The following USP7 variants were observed in gnomAD, a reference collection of about 807,000 sequenced individuals.
USP7 encodes ubiquitin specific peptidase 7.
In USP7, 9 loss-of-function variants were observed where a neutral mutation model predicts 162.9. The observed-to-expected ratio is 0.06, with a 90% CI of 0.03 to 0.10. USP7 has a LOEUF of 0.10. USP7 is among the 10% of genes least tolerant of loss of function. The pLI is 1.00. For missense variants in USP7, 715 were observed against 1,373.7 expected, an observed-to-expected ratio of 0.52 and a Z score of 7.58; for synonymous variants, 562 against 475.9, an observed-to-expected ratio of 1.18 and a Z score of -2.35.
intron 1 of USP7, among the ~76,000 whole-genome samples, chr16:8,954,804 C>G (rs1899717532): frequency 6.6e-6 from 1 of 151,820 alleles, no homozygotes; most frequent in Non-Finnish European, 1.5e-5. Context: ...ACTAAAGATA[C>G]AAAAAAATTA....
chr16:8,904,580 C>A lies in USP7; in HGVS notation c.1574-15G>T. The A allele has an allele frequency of 6.2e-7, 1 of 1,613,178 alleles. No individual in the cohort carries two copies. The highest frequency in any genetic ancestry group is 8.5e-7 in the Non-Finnish European group (1 of 1,179,768). On this transcript the variant is annotated splice_polypyrimidine_tract_variant and intron_variant, in intron 14 of 30. Transcript: ENST00000344836. ...TAAAACTTCACCTGCAGGACAAAGG[C>A]ATCCTCTTTGACCCCTGCAGATGGA...
At chr16:8,941,863 C>CCTCCTGGT (rs1445204424) in intron 1 of USP7, among the ~76,000 whole-genome samples, 1 of 152,226 alleles carries the variant, frequency 6.6e-6, no homozygotes, top group Non-Finnish European at 1.5e-5. Context: ...GGTGGACACG[C>CCTCCTGGT]CTCCTGGTCT....
intron 1 of USP7, among the ~76,000 whole-genome samples, chr16:8,949,836 T>C (rs1899468791): frequency 1.3e-5 from 2 of 152,206 alleles, no homozygotes; most frequent in South Asian, 2.1e-4. Flanking sequence ...AAGTATGCCC[T>C]AAGCTGAGCT....
At chr16:8,913,396 T>G (rs139344576) in intron 10 of USP7, among the ~76,000 whole-genome samples, 1 of 151,694 alleles carries the variant, frequency 6.6e-6, no homozygotes, top group South Asian at 2.1e-4. Context: ...AGAAGAGAAG[T>G]GAAGTGAAGC....
chr16:8,938,726 G>T (rs1177246969), intron 1 of USP7, among the ~76,000 whole-genome samples: 3 of 146,302 alleles, frequency 2.1e-5, no homozygotes, highest in Non-Finnish European at 4.5e-5. Flanking sequence ...AAAAAAAATT[G>T]GGGGGACGGG....
chr16:8,949,071 A>G (rs1899430825), intron 1 of USP7, among the ~76,000 whole-genome samples: 1 of 152,232 alleles, frequency 6.6e-6, no homozygotes, highest in South Asian at 2.1e-4. Flanking sequence ...GGTGATGAAA[A>G]TGTGCTCGAA....
chr16:8,943,939 G>T (rs978309640), intron 1 of USP7, among the ~76,000 whole-genome samples: 3 of 152,000 alleles, frequency 2.0e-5, no homozygotes, highest in African/African-American at 7.3e-5. Context: ...TTATTGTATT[G>T]CTTATTCTAC....
At position 8,893,870 on chromosome 16, in the gene USP7, A is replaced by T; in HGVS notation, c.*128T>A. 1.2e-6 allele frequency: 1 copy of T among 801,256 alleles called. No homozygotes were observed. Among genetic ancestry groups the T allele is most frequent in the Non-Finnish European group, 2.1e-6 (1 of 476,520 alleles). 49.6% of individuals were successfully genotyped at this position (801,256 alleles called of 1,614,324 possible). ...AAGCCAAACTGAACAGCCTCAATAA[A>T]ATAAAATTAACACCAGCAGCGAATC... On this transcript the variant is annotated 3_prime_UTR_variant, in exon 31 of 31. Coordinates refer to ENST00000344836, the MANE Select transcript of USP7 (RefSeq NM_003470.3).
Position 8,899,795 on chromosome 16 carries a change from C to T in USP7, c.2310-38G>A, listed in dbSNP as rs1226580148. Reference sequence around the variant, plus strand: ...GAAAGTTTGCAGTCTGAATCAAAGTCCATGGCAGGGGGTAGCTGGTAAAAA... The same window carrying T: ...GAAAGTTTGCAGTCTGAATCAAAGTTCATGGCAGGGGGTAGCTGGTAAAAA... On this transcript the variant is annotated intron_variant, in intron 21 of 30. Coordinates refer to ENST00000344836, the MANE Select transcript of USP7 (RefSeq NM_003470.3). 13 of 1,612,548 alleles carry T rather than the reference C, an allele frequency of 8.1e-6. No individual in the cohort carries two copies. In the African/African-American group the frequency reaches 1.5e-4, roughly 18 times the overall value.
At chr16:8,936,678 T>C in intron 1 of USP7, 2 of 1,527,582 alleles carry the variant, frequency 1.3e-6, no homozygotes, top group Non-Finnish European at 1.7e-6. Flanking sequence ...CACATCAGAG[T>C]GACTGCATAG....
chr16:8,908,563 A>G, intron 11 of USP7, 113 bp from the exon 12 acceptor site: 1 of 856,376 alleles, frequency 1.2e-6, no homozygotes. Context: ...CTGGAGACAA[A>G]GGCAGGGAAG....
chr16:8,895,045 G>A lies in USP7; in HGVS notation c.3025C>T (p.Leu1009=). 6.2e-7 allele frequency: 1 copy of A among 1,614,224 alleles called. No individual in the cohort carries two copies. The highest frequency in any genetic ancestry group is 2.2e-5 in the East Asian group (1 of 44,888). ...CAACAGCATACCTGGTGTATCCTCAGCAAAAACGGGATTCCGAACGTTCCG... is the reference window on the plus strand; with the variant it reads ...CAACAGCATACCTGGTGTATCCTCAACAAAAACGGGATTCCGAACGTTCCG... The part of the protein sequence containing the change: ...VFGTFGIPFL[L]RIHQGEHFRE... The change falls in exon 28 of 31, where the codon CTG becomes TTG. Residue 1009 remains leucine, a synonymous_variant. Coordinates refer to ENST00000344836, the MANE Select transcript of USP7 (RefSeq NM_003470.3).
chr16:8,900,705 A>AT, intron 20 of USP7, 75 bp from the exon 21 acceptor site: 1 of 1,129,536 alleles, frequency 8.9e-7, no homozygotes, highest in South Asian at 1.4e-5. Context: ...TCTTCCATGT[A>AT]CTTAAGTATT....
chr16:8,916,523 A>G lies in USP7; in HGVS notation c.885T>C (p.Asp295=), dbSNP rs950959122. 3.1e-6 allele frequency: 5 copies of G among 1,611,592 alleles called. No individual in the cohort carries two copies. Among genetic ancestry groups the G allele is most frequent in the Non-Finnish European group, 1.7e-6 (2 of 1,179,360 alleles). Residue 295 remains aspartate (D), a synonymous_variant, in exon 8 of 31, where the codon GAT becomes GAC. Transcript: ENST00000344836. The part of the protein sequence containing the change: ...WETLDSFMQH[D]VQELCRVLLD... ...TTACCACTCGACAAAGCTCCTGAAC[A>G]TCATGTTGCATGAAGCTATCTAAAG...
At chr16:8,894,763 C>G (rs2061656347) in intron 29 of USP7, 21 bp downstream of exon 29, 1 of 1,614,116 alleles carries the variant, frequency 6.2e-7, no homozygotes, top group Non-Finnish European at 8.5e-7. Context: ...GCCAAGCCCC[C>G]AGGAGGCCCC....
chr16:8,939,932 T>C (rs146621571), intron 1 of USP7, among the ~76,000 whole-genome samples: 3 of 152,272 alleles, frequency 2.0e-5, no homozygotes, highest in East Asian at 1.9e-4. Flanking sequence ...ACCCCGACTC[T>C]ACTAAAAATA....
chr16:8,895,677 A>G lies in USP7; in HGVS notation c.2884T>C (p.Leu962=), dbSNP rs781194088. 11 of 1,613,766 alleles carry G rather than the reference A, an allele frequency of 6.8e-6. No individual in the cohort carries two copies. The Middle Eastern group carries it at 6.6e-4, about 96-fold the overall frequency. Reference sequence around the variant, plus strand: ...AACGTCCGGCTCGTTGCAGGAGATAAACATTCTAATAGTTCATCTTCTTGA... The same window carrying G: ...AACGTCCGGCTCGTTGCAGGAGATAGACATTCTAATAGTTCATCTTCTTGA... The part of the protein sequence containing the change: ...VHQEDELLEC[L]SPATSRTFRI... The change falls in exon 27 of 31, where the codon TTA becomes CTA. Residue 962 remains leucine, a synonymous_variant. Coordinates refer to ENST00000344836, the MANE Select transcript of USP7 (RefSeq NM_003470.3).
chr16:8,961,504 A>AGG (rs71155425), intron 1 of USP7, among the ~76,000 whole-genome samples: 7,213 of 59,910 alleles, frequency 0.12, 761 homozygotes, highest in Non-Finnish European at 0.16. Flanking sequence ...AAAAAAAAAA[A>AGG]GGGGGGGGGG....
intron 1 of USP7, among the ~76,000 whole-genome samples, chr16:8,934,370 GT>G (rs1391063336): frequency 6.6e-6 from 1 of 152,200 alleles, no homozygotes; most frequent in African/African-American, 2.4e-5. Flanking sequence ...AGAAGGGCTT[GT>G]TTGGGTGACT....
Sources: gnomAD v4.1 joint callset for allele counts (sites outside exome capture counted in the v4.1 genomes callset) on GRCh38, gnomAD v4.1.1 for gene constraint, MANE v1.5 for transcripts, NCBI Gene and HGNC (gene_info 2026-07-23, HGNC 2026-07-21) for gene names.